CYP4F3: variants seen among roughly 807,000 people sequenced by gnomAD.
CYP4F3 encodes cytochrome P450 family 4 subfamily F member 3.
CYP4F3 carries 50 observed loss-of-function variants against 54.8 expected under a neutral mutation model. The observed-to-expected ratio is 0.91, with a 90% CI of 0.73 to 1.16. CYP4F3 has a LOEUF of 1.16. Ranked by LOEUF, CYP4F3 falls within the 50% of genes most tolerant of loss-of-function variation. CYP4F3 has a pLI of 0.00. For synonymous variants in CYP4F3, 244 were observed against 262.6 expected, an observed-to-expected ratio of 0.93 and a Z score of 0.69; for missense variants, 715 against 676.2, an observed-to-expected ratio of 1.06 and a Z score of -0.64.
At chr19:15,651,532 T>C (rs1972855479) in intron 7 of CYP4F3, among the ~76,000 whole-genome samples, 1 of 127,556 alleles carries the variant, frequency 7.8e-6, no homozygotes, top group East Asian at 2.2e-4. Context: ...ATTTTTTGTA[T>C]TTTTAGTACA....
intron 7 of CYP4F3, among the ~76,000 whole-genome samples, chr19:15,651,745 G>T (rs1289837239): frequency 6.6e-6 from 1 of 152,076 alleles, no homozygotes; most frequent in Non-Finnish European, 1.5e-5. Flanking sequence ...CCATGTCTAT[G>T]TTTATGTGTA....
chr19:15,647,198 G>A lies in CYP4F3; in HGVS notation c.399G>A (p.Gly133=), dbSNP rs752888577. 2 of 1,614,124 alleles carry A rather than the reference G, an allele frequency of 1.2e-6. No homozygotes were observed. The highest frequency in any genetic ancestry group is 4.5e-5 in the East Asian group (2 of 44,896). ...VFYSFLKPWL[G]DGLLLSAGEK... ...CATGGCCCTTGGCTGCCCTGCCAGGGGATGGGCTCCTGCTGAGTGCTGGTG... is the reference window on the plus strand; with the variant it reads ...CATGGCCCTTGGCTGCCCTGCCAGGAGATGGGCTCCTGCTGAGTGCTGGTG... The change falls in exon 5 of 13, where the codon GGG becomes GGA. Residue 133 remains glycine (G), a splice_region_variant and synonymous_variant. Transcript: ENST00000221307.
chr19:15,650,281 G>A (rs755813583), intron 7 of CYP4F3, 98 bp downstream of exon 7: 4 of 1,607,796 alleles, frequency 2.5e-6, no homozygotes, highest in Non-Finnish European at 3.4e-6. Flanking sequence ...GCACTGGGGA[G>A]CCATGGAAGG....
intron 2 of CYP4F3, chr19:15,643,968 G>A: frequency 6.2e-7 from 1 of 1,607,296 alleles, no homozygotes; most frequent in Non-Finnish European, 8.5e-7. Context: ...TACCCCCAGG[G>A]CTTTAAGGTC....
chr19:15,644,242 C>T (rs1368005805), intron 2 of CYP4F3, among the ~76,000 whole-genome samples: 4 of 152,024 alleles, frequency 2.6e-5, no homozygotes, highest in Non-Finnish European at 5.9e-5. Context: ...TGCCATCTGA[C>T]CCCCTGTCCT....
chr19:15,654,702 G>T (rs976134121), intron 9 of CYP4F3, among the ~76,000 whole-genome samples: 3 of 152,122 alleles, frequency 2.0e-5, no homozygotes, highest in African/African-American at 7.2e-5. Flanking sequence ...CTTTTAAATG[G>T]CTGAATAGTA....
chr19:15,650,512 C>T (rs1048596815), intron 7 of CYP4F3, among the ~76,000 whole-genome samples: 1 of 152,152 alleles, frequency 6.6e-6, no homozygotes, highest in Non-Finnish European at 1.5e-5. Context: ...GTATCTTTGT[C>T]TCTGAGTTTG....
Position 15,658,794 on chromosome 19 carries a change from T to C in CYP4F3, c.1382T>C (p.Phe461Ser). 1 of 1,614,052 alleles carries C rather than the reference T, an allele frequency of 6.2e-7. No individual in the cohort carries two copies. Among genetic ancestry groups the C allele is most frequent in the South Asian group, 1.1e-5 (1 of 91,076 alleles). The change falls in exon 12 of 13, where the codon TTC becomes TCC. Residue 461 changes from phenylalanine (F) to serine (S), a missense_variant. By Grantham distance (155) the Phe-to-Ser change is radical. Transcript: ENST00000221307. ...KERSPLAFIPFSAGPRNCIGQ... is the reference protein window; with the variant it reads ...KERSPLAFIPSSAGPRNCIGQ... ...AGGTCACCTCTGGCTTTTATTCCCT[T>C]CTCAGCAGGGCCCAGGTAAGAGCGG...
Position 15,641,020 on chromosome 19 carries a change from G to T in CYP4F3, c.-2+75G>T. On this transcript the variant is annotated intron_variant, in intron 1 of 12. Coordinates refer to ENST00000221307, the MANE Select transcript of CYP4F3 (RefSeq NM_000896.3). The stretch of plus-strand genomic sequence containing the variant: ...ATGGGCACTGGGCAAGGGATTGGGC[G>T]CACACATAGGGGAGCCCCAGCCTTC... The T allele has an allele frequency of 1.4e-5, 3 of 216,828 alleles. No homozygotes were observed. In the South Asian group the frequency reaches 2.0e-4, roughly 14 times the overall value. 13.4% of individuals were successfully genotyped at this position (216,828 alleles called of 1,614,324 possible).
chr19:15,652,962 G>C lies in CYP4F3; in HGVS notation c.1115+10G>C, dbSNP rs148816108. 6.0e-4 allele frequency: 951 copies of C among 1,598,220 alleles called. 8 individuals are homozygous for C. The East Asian group carries it at 0.017, about 29-fold the overall frequency. ...CTAAAGAGATTGAATGGTGAGTGCA[G>C]GTGCTGGTGCCCTGTTCCTGAGCCT... On this transcript the variant is annotated intron_variant, in intron 9 of 12. Transcript: ENST00000221307.
chr19:15,644,385 G>A (rs1972564209), intron 2 of CYP4F3, among the ~76,000 whole-genome samples: 1 of 152,224 alleles, frequency 6.6e-6, no homozygotes, highest in Non-Finnish European at 1.5e-5. Context: ...GGGCCAGAGG[G>A]AGATGGATGA....
chr19:15,646,751 C>G (rs761293037), intron 3 of CYP4F3, among the ~76,000 whole-genome samples: 3 of 152,064 alleles, frequency 2.0e-5, no homozygotes, highest in East Asian at 1.9e-4. Context: ...GAGTGCTGAG[C>G]GTGTTCAGGG....
At position 15,641,504 on chromosome 19, in the gene CYP4F3, T is replaced by C. The variant is rs369717886; in HGVS notation, c.89T>C (p.Leu30Pro). ...LLLLLVGASW[L>P]LARILAWTYT... ...CTGCTGCTGGTTGGGGCCTCCTGGC[T>C]CCTGGCCCGCATCCTGGCCTGGACC... Residue 30 changes from leucine (L) to proline (P), a missense_variant, in exon 2 of 13, where the codon CTC becomes CCC. Physicochemically the swap from Leu to Pro is moderately conservative, Grantham distance 98. Coordinates refer to ENST00000221307, the MANE Select transcript of CYP4F3 (RefSeq NM_000896.3). The C allele has an allele frequency of 1.9e-6, 3 of 1,614,154 alleles. No homozygotes were observed. The highest frequency in any genetic ancestry group is 2.2e-5 in the South Asian group (2 of 91,086).
intron 7 of CYP4F3, 152 bp downstream of exon 7, chr19:15,650,335 T>C: frequency 2.7e-6 from 4 of 1,468,534 alleles, no homozygotes; most frequent in Non-Finnish European, 2.8e-6. Context: ...GTTTTGGAGA[T>C]AGCTCTGTGG....
At chr19:15,641,328 G>T (rs543648536) in intron 1 of CYP4F3, 87 bp from the exon 2 acceptor site, 5 of 1,506,340 alleles carry the variant, frequency 3.3e-6, no homozygotes, top group African/African-American at 1.4e-5. Flanking sequence ...AGCACTGCCC[G>T]TCTCTGCCTC....
chr19:15,658,688 G>A, intron 11 of CYP4F3, 39 bp from the exon 12 acceptor site: 2 of 1,612,538 alleles, frequency 1.2e-6, no homozygotes, highest in South Asian at 1.1e-5. Flanking sequence ...GGCGGACTGG[G>A]AGACCCCACC....
At chr19:15,642,613 T>A (rs1290622) in intron 2 of CYP4F3, among the ~76,000 whole-genome samples, 1 of 152,194 alleles carries the variant, frequency 6.6e-6, no homozygotes, top group Non-Finnish European at 1.5e-5. Context: ...ACAAGGAAAT[T>A]TTTCCTCTCA....
At position 15,650,704 on chromosome 19, in the gene CYP4F3, C is replaced by CTT. The variant is rs773858259; in HGVS notation, c.918+523_918+524dup. On this transcript the variant is annotated intron_variant, in intron 7 of 12. Coordinates refer to ENST00000221307, the MANE Select transcript of CYP4F3 (RefSeq NM_000896.3). The stretch of plus-strand genomic sequence containing the variant: ...TCTTTCTTTCTTTCTTTCTTTCTTT[C>CTT]TTTCTTTCTTTCTTTCTTTCTTTCT... 3.8e-5 allele frequency among the ~76,000 whole-genome samples: 3 copies of CTT among 78,642 alleles called. 1 individual carries two copies. Among genetic ancestry groups the CTT allele is most frequent in the Non-Finnish European group, 6.8e-5 (3 of 44,018 alleles). 51.6% of individuals were successfully genotyped at this position (78,642 alleles called of 152,430 possible).
Position 15,652,556 on chromosome 19 carries a change from G to A in CYP4F3, c.919-13G>A, listed in dbSNP as rs752265414. 6 of 1,613,784 alleles carry A rather than the reference G, an allele frequency of 3.7e-6. No individual in the cohort carries two copies. On this transcript the variant is annotated splice_polypyrimidine_tract_variant and intron_variant, in intron 7 of 12. Transcript: ENST00000221307. ...ATGGGGGTGGGGGTGGGGGGTTATT[G>A]CCTTCTCTCCAGGATGAAGATGGGA...
Sources: allele counts gnomAD v4.1 joint callset (sites outside exome capture counted in the v4.1 genomes callset), GRCh38; gene constraint gnomAD v4.1.1; transcripts MANE v1.5; gene names NCBI Gene and HGNC (gene_info 2026-07-23, HGNC 2026-07-21).